The following CPS1 variants were observed in gnomAD, a reference collection of about 807,000 sequenced individuals.
CPS1 encodes the protein carbamoyl-phosphate synthase 1, also known as carbamoyl-phosphate synthase [ammonia], mitochondrial.
A neutral mutation model predicts 174.6 loss-of-function variants in CPS1; 109 were observed. The observed-to-expected ratio is 0.62, with a 90% CI of 0.53 to 0.73. The LOEUF is 0.73. Ranked by LOEUF, CPS1 falls within the 30% of genes least tolerant of loss-of-function variation. CPS1 has a pLI of 0.00. For synonymous variants in CPS1, 637 were observed against 632.0 expected, an observed-to-expected ratio of 1.01 and a Z score of -0.12; for missense variants, 1,689 against 1,821.9, an observed-to-expected ratio of 0.93 and a Z score of 1.33.
chr2:210,507,399 A>G (rs1159084927), intron 1 of CPS1, among the ~76,000 whole-genome samples: 1 of 152,216 alleles, frequency 6.6e-6, no homozygotes, highest in African/African-American at 2.4e-5. Flanking sequence ...GAAAGGAACA[A>G]CTGGTACCAC....
At position 210,536,427 on chromosome 2, in the gene CPS1, TCTC is replaced by T. The variant is rs375267738; in HGVS notation, c.4-20289_4-20287del. Among the ~76,000 whole-genome samples the T allele has an allele frequency of 2.0e-5, 3 of 151,730 alleles. No individual in the cohort carries two copies. In the East Asian group the frequency reaches 5.8e-4, roughly 29 times the overall value. On this transcript the variant is annotated intron_variant, in intron 1 of 38. Transcript: ENST00000430249. The stretch of plus-strand genomic sequence containing the variant: ...GCTCCGCCTCCCGGGTTCACGCCAT[TCTC>T]CTGCCTCAGCCTCCCGAGTAGCTGG...
At chr2:210,621,159 C>A (rs182518041) in intron 21 of CPS1, among the ~76,000 whole-genome samples, 53 of 152,222 alleles carry the variant, frequency 3.5e-4, no homozygotes, top group African/African-American at 1.2e-3. Context: ...CTGTTCTAGG[C>A]AGTTCCCCAA....
intron 24 of CPS1, among the ~76,000 whole-genome samples, chr2:210,641,378 AG>A (rs2105900227): frequency 6.6e-6 from 1 of 152,164 alleles, no homozygotes; most frequent in African/African-American, 2.4e-5. Context: ...CTCCTGCCTC[AG>A]CCTCCCAAAG....
chr2:210,650,193 C>T (rs1168894775), intron 27 of CPS1, among the ~76,000 whole-genome samples, 170 bp from the exon 28 acceptor site: 1 of 152,206 alleles, frequency 6.6e-6, no homozygotes, highest in Non-Finnish European at 1.5e-5. Flanking sequence ...CAGTTTTATA[C>T]TTTGGTTGAT....
chr2:210,508,135 A>T (rs1314993017), intron 1 of CPS1, among the ~76,000 whole-genome samples: 14 of 149,362 alleles, frequency 9.4e-5, no homozygotes, highest in Non-Finnish European at 2.1e-4. Flanking sequence ...GAAGTAAAGC[A>T]CTCCTCAGCA....
chr2:210,573,295 C>G lies in CPS1; in HGVS notation c.127-3C>G. On this transcript the variant is annotated splice_region_variant and splice_polypyrimidine_tract_variant and intron_variant, in intron 1 of 37. Transcript: ENST00000233072. ...GCTAAGATTCATGCAACTGTTTCTT[C>G]AGGCACAGACAGCACACATTGTCCT... 1 of 1,611,266 alleles carries G rather than the reference C, an allele frequency of 6.2e-7. No individual in the cohort carries two copies. The highest frequency in any genetic ancestry group is 8.5e-7 in the Non-Finnish European group (1 of 1,177,518).
chr2:210,548,994 G>C (rs530837956), intron 1 of CPS1, among the ~76,000 whole-genome samples: 129 of 152,138 alleles, frequency 8.5e-4, no homozygotes, highest in African/African-American at 3.1e-3. Context: ...TCTACAAAAG[G>C]GGGTGGAGTA....
At chr2:210,669,325 C>G (rs1021319562) in intron 34 of CPS1, among the ~76,000 whole-genome samples, 1 of 152,142 alleles carries the variant, frequency 6.6e-6, no homozygotes, top group Admixed American at 6.5e-5. Context: ...GGCTTCCCAA[C>G]TGGTCATTCA....
upstream of CPS1, among the ~76,000 whole-genome samples, chr2:210,553,483 TA>T (rs904729909): frequency 4.6e-4 from 67 of 147,206 alleles, 1 homozygote; most frequent in East Asian, 4.0e-3. Context: ...AGACTAAATC[TA>T]AAAAAAAAAA....
chr2:210,656,309 G>A (rs988039161), intron 29 of CPS1, among the ~76,000 whole-genome samples: 1 of 152,134 alleles, frequency 6.6e-6, no homozygotes, highest in Non-Finnish European at 1.5e-5. Flanking sequence ...GTGGATGAGG[G>A]AGGTAGGCTC....
At chr2:210,673,345 T>G (rs1236762364) in intron 34 of CPS1, 2 of 152,206 alleles carry the variant, frequency 1.3e-5, no homozygotes, top group Admixed American at 6.5e-5. Context: ...CTGACCACTA[T>G]CTTGCAAACA....
In CPS1 at chr2:210,614,872, C is replaced by T. The variant is rs190862622; in HGVS notation, c.2569-1551C>T. 1.3e-4 allele frequency among the ~76,000 whole-genome samples: 19 copies of T among 146,036 alleles called. No individual in the cohort carries two copies. In the East Asian group the frequency reaches 1.4e-3, roughly 11 times the overall value. ...GCACAGGGAGGGGAACATTTCACAC[C>T]GGGGCCTGTCGGGGGGTGGGGAGGT... On this transcript the variant is annotated intron_variant, in intron 20 of 37. Transcript: ENST00000233072.
chr2:210,531,849 C>T (rs1389567045), intron 1 of CPS1, among the ~76,000 whole-genome samples: 1 of 152,076 alleles, frequency 6.6e-6, no homozygotes, highest in Non-Finnish European at 1.5e-5. Flanking sequence ...ACATGGTTTT[C>T]TAGACTGCAT....
chr2:210,627,162 T>A (rs1279554989), intron 21 of CPS1, among the ~76,000 whole-genome samples: 1 of 152,138 alleles, frequency 6.6e-6, no homozygotes, highest in African/African-American at 2.4e-5. Context: ...TTGTGAGGAA[T>A]TTGCCCTTTT....
At chr2:210,617,633 C>A (rs909390123) in intron 21 of CPS1, 4 of 151,830 alleles carry the variant, frequency 2.6e-5, no homozygotes, top group Admixed American at 6.6e-5. Context: ...TTAATTATTG[C>A]CCATGTCAAA....
At chr2:210,598,191 C>T (rs1698562960) in intron 13 of CPS1, among the ~76,000 whole-genome samples, 5 of 151,634 alleles carry the variant, frequency 3.3e-5, no homozygotes, top group Admixed American at 3.3e-4. Context: ...TACCACCAGA[C>T]TAGCCTTACA....
chr2:210,616,426 A>ATTGATGACAACATGTCCC lies in CPS1; in HGVS notation c.2580_2597dup (p.Asp860_Asp865dup), dbSNP rs1699307034. On this transcript the variant is annotated inframe_insertion, in exon 21 of 38. Coordinates refer to ENST00000233072, the MANE Select transcript of CPS1 (RefSeq NM_001875.5). Reference sequence around the variant, plus strand: ...GTATCTCTTCTCCTCTTGGCAGGCCATTGATGACAACATGTCCCTTGATGA... The same window carrying ATTGATGACAACATGTCCC: ...GTATCTCTTCTCCTCTTGGCAGGCCATTGATGACAACATGTCCCTTGATGACAACATGTCCCTTGATGA... The ATTGATGACAACATGTCCC allele has an allele frequency of 3.7e-6, 6 of 1,606,924 alleles. No individual in the cohort carries two copies. The highest frequency in any genetic ancestry group is 1.1e-5 in the South Asian group (1 of 90,938).
chr2:210,567,453 T>A (rs1312704366), intron 1 of CPS1, among the ~76,000 whole-genome samples: 1 of 152,044 alleles, frequency 6.6e-6, no homozygotes, highest in Non-Finnish European at 1.5e-5. Context: ...ACCACATCAG[T>A]GAATTAAAAC....
intron 1 of CPS1, among the ~76,000 whole-genome samples, chr2:210,504,119 T>C (rs1695217501): frequency 6.6e-6 from 1 of 152,140 alleles, no homozygotes; most frequent in Admixed American, 6.5e-5. Flanking sequence ...TGCCAGGATA[T>C]ACCACTGTGC....
Sources: allele counts gnomAD v4.1 joint callset (sites outside exome capture counted in the v4.1 genomes callset), GRCh38; gene constraint gnomAD v4.1.1; transcripts MANE v1.5; gene names NCBI Gene and HGNC (gene_info 2026-07-23, HGNC 2026-07-21).